CSTPP1: variants seen among roughly 807,000 people sequenced by gnomAD.
CSTPP1 encodes UPF0705 protein C11orf49.
chr11:47,008,598 C>T, the CSTPP1 span, among the ~76,000 whole-genome samples: 1 of 152,092 alleles, frequency 6.6e-6, no homozygotes, highest in South Asian at 2.1e-4. Context: ...GCCTCAGCCT[C>T]CTAAAGTGCT....
chr11:47,061,577 A>G, the CSTPP1 span, among the ~76,000 whole-genome samples: 1 of 152,132 alleles, frequency 6.6e-6, no homozygotes, highest in Admixed American at 6.6e-5. Flanking sequence ...TTAAAGAGCA[A>G]TTGTTGCTTC....
At chr11:47,013,804 G>A in the CSTPP1 span, among the ~76,000 whole-genome samples, 1 of 152,158 alleles carries the variant, frequency 6.6e-6, no homozygotes, top group African/African-American at 2.4e-5. Context: ...GGTCTTTGAG[G>A]AATCATCACA....
chr11:47,147,722 G>A, the CSTPP1 span, among the ~76,000 whole-genome samples: 2 of 152,140 alleles, frequency 1.3e-5, no homozygotes. Flanking sequence ...CGTCAGAGAG[G>A]CCTGTATTTG....
At chr11:46,974,419 T>G in the CSTPP1 span, among the ~76,000 whole-genome samples, 1 of 151,030 alleles carries the variant, frequency 6.6e-6, no homozygotes, top group Admixed American at 6.6e-5. Flanking sequence ...TCCCAGCTAC[T>G]TGGGAGGCTG....
the CSTPP1 span, among the ~76,000 whole-genome samples, chr11:46,945,579 C>T: frequency 6.6e-6 from 1 of 152,120 alleles, no homozygotes; most frequent in African/African-American, 2.4e-5. Flanking sequence ...CACGCCAGTG[C>T]ACTCCAGCCT....
the CSTPP1 span, among the ~76,000 whole-genome samples, chr11:47,124,113 A>AATTTTT: frequency 1.6e-5 from 1 of 61,196 alleles, no homozygotes. Context: ...TAATGGTCTT[A>AATTTTT]CTTTTTTTTT....
chr11:47,157,237 G>GCCCCCAGC, the CSTPP1 span: 36 of 1,539,538 alleles, frequency 2.3e-5, 1 homozygote, highest in South Asian at 5.1e-5. Context: ...CGGGCATGCA[G>GCCCCCAGC]CCCCCAGCCC....
At chr11:47,085,618 A>C in the CSTPP1 span, among the ~76,000 whole-genome samples, 4 of 152,078 alleles carry the variant, frequency 2.6e-5, no homozygotes, top group South Asian at 6.2e-4. Flanking sequence ...GGCTGGGCGC[A>C]GTGGCTCATG....
the CSTPP1 span, among the ~76,000 whole-genome samples, chr11:46,988,262 C>T: frequency 1.3e-5 from 2 of 152,114 alleles, no homozygotes; most frequent in South Asian, 2.1e-4. Context: ...ATCAGTACTC[C>T]TATGTTTGTT....
the CSTPP1 span, among the ~76,000 whole-genome samples, chr11:46,973,399 C>T: frequency 2.0e-5 from 3 of 151,996 alleles, no homozygotes; most frequent in Admixed American, 1.3e-4. Flanking sequence ...CCTAAAATAC[C>T]GTGGTTTAAA....
the CSTPP1 span, among the ~76,000 whole-genome samples, chr11:47,004,016 A>T: frequency 2.0e-5 from 3 of 152,096 alleles, no homozygotes; most frequent in Non-Finnish European, 4.4e-5. Context: ...TGTTCTCCTT[A>T]AGCTCCACTT....
chr11:46,987,485 A>G, the CSTPP1 span: 1 of 494,212 alleles, frequency 2.0e-6, no homozygotes, highest in South Asian at 2.1e-5. Flanking sequence ...CCTTTGGTGC[A>G]GCTAGTTTGT....
chr11:47,026,439 TA>T, the CSTPP1 span, among the ~76,000 whole-genome samples: 20 of 152,076 alleles, frequency 1.3e-4, no homozygotes, highest in Admixed American at 9.2e-4. Flanking sequence ...TAATTGTTGT[TA>T]TTTTTTTTTA....
the CSTPP1 span, among the ~76,000 whole-genome samples, chr11:47,025,647 A>T: frequency 6.6e-6 from 1 of 152,186 alleles, no homozygotes; most frequent in Non-Finnish European, 1.5e-5. Context: ...GGTTTGTAAC[A>T]TCTAAGGGGG....
the CSTPP1 span, among the ~76,000 whole-genome samples, chr11:47,053,545 G>C: frequency 1.9e-4 from 29 of 151,652 alleles, no homozygotes; most frequent in Admixed American, 1.8e-3. Flanking sequence ...TTTGAACCCT[G>C]GGGGACAGAG....
chr11:46,940,111 G>A, the CSTPP1 span, among the ~76,000 whole-genome samples: 2 of 152,282 alleles, frequency 1.3e-5, no homozygotes, highest in East Asian at 1.9e-4. Context: ...GAGCTCAAGC[G>A]ATCTGCCCAC....
the CSTPP1 span, among the ~76,000 whole-genome samples, chr11:47,122,796 CT>C: frequency 6.6e-6 from 1 of 152,118 alleles, no homozygotes; most frequent in Non-Finnish European, 1.5e-5. Context: ...CCAGGCTGGT[CT>C]CGAACTCCTG....
the CSTPP1 span, among the ~76,000 whole-genome samples, chr11:47,072,775 T>G: frequency 2.0e-5 from 3 of 152,214 alleles, no homozygotes; most frequent in Non-Finnish European, 4.4e-5. Flanking sequence ...ATATATAATT[T>G]CAGTGATCAG....
the CSTPP1 span, among the ~76,000 whole-genome samples, chr11:47,066,619 A>C: frequency 2.1e-4 from 32 of 152,378 alleles, no homozygotes; most frequent in East Asian, 2.7e-3. Context: ...AAATTTATAA[A>C]GTAGATGATA....
Sources: allele counts gnomAD v4.1 joint callset (sites outside exome capture counted in the v4.1 genomes callset), GRCh38; gene constraint gnomAD v4.1.1; transcripts MANE v1.5; gene names NCBI Gene and HGNC (gene_info 2026-07-23, HGNC 2026-07-21).